The following NOS2 variants were observed in gnomAD, a reference collection of about 807,000 sequenced individuals.
NOS2 encodes the protein nitric oxide synthase, inducible.
In NOS2, 96 loss-of-function variants were observed where a neutral mutation model predicts 136.0. The ratio of observed to expected loss-of-function variants is 0.71; its 90% CI spans 0.60 to 0.84. The LOEUF (loss-of-function observed/expected upper bound fraction) is 0.84. Among genes scored for constraint, NOS2 ranks in the 40% least tolerant of loss-of-function variants. NOS2 has a pLI of 0.00. For missense variants in NOS2, 1,237 were observed against 1,496.9 expected (o/e 0.83, Z 2.87); for synonymous variants, 539 against 587.5 (o/e 0.92, Z 1.20).
rs143922742 is a variant in NOS2, at chr17:27,778,747, C to T, written c.1224G>A (p.Ser408=). Residue 408 remains serine, a synonymous_variant, in exon 11 of 27, where the codon TCG becomes TCA. Coordinates refer to ENST00000313735, the MANE Select transcript of NOS2 (RefSeq NM_000625.4). ...RMGLETHKLA[S]LWKDQAVVEI... is the part of the protein sequence containing the mutation. ...CAACGACAGCCTGGTCTTTCCAGAG[C>T]GAGGCCAGCTTGTGCGTTTCCAGGC... is the stretch of plus-strand genomic sequence containing the variant. 21 of 1,614,204 alleles carry T rather than the reference C, an allele frequency of 1.3e-5. No homozygotes were observed. In the African/African-American group the frequency reaches 1.3e-4, roughly 10 times the overall value.
At chr17:27,757,957 T>G (rs1469651943) in intron 26 of NOS2, among the ~76,000 whole-genome samples, 1 of 152,148 alleles carries the variant, frequency 6.6e-6, no homozygotes, top group Non-Finnish European at 1.5e-5. Flanking sequence ...GGGCTCCTCC[T>G]CACCATCTCA....
rs143309920 is a variant in NOS2 at position 27,794,710 on chromosome 17, ACG to A, written c.110+3988_110+3989del. Among the ~76,000 whole-genome samples, 8 of 133,352 alleles carry A rather than the reference ACG, an allele frequency of 6.0e-5. No individual in the cohort carries two copies. The South Asian group carries it at 7.6e-4, about 13-fold the overall frequency. 87.5% of individuals were successfully genotyped at this position (133,352 alleles called of 152,430 possible). A position where few individuals can be genotyped will look rare whatever the true frequency, so the allele number is the denominator to read the frequency against. ...AAAATACACACATGCGTACACACAC[ACG>A]CGCACACACACACACACACACACAC... On this transcript the variant is annotated intron_variant, in intron 2 of 26. Coordinates refer to ENST00000313735, the MANE Select transcript of NOS2 (RefSeq NM_000625.4).
At chr17:27,774,188 G>A in intron 12 of NOS2, 69 bp downstream of exon 12, 1 of 1,084,950 alleles carries the variant, frequency 9.2e-7, no homozygotes, top group Non-Finnish European at 1.2e-6. Flanking sequence ...ACAATGAGGT[G>A]CACACACACA....
At chr17:27,771,061 G>A in intron 14 of NOS2, 44 bp from the exon 15 acceptor site, 3 of 1,449,266 alleles carry the variant, frequency 2.1e-6, no homozygotes, top group Non-Finnish European at 2.9e-6. Flanking sequence ...CTCCCAGTAG[G>A]GCCCTCCCTA....
intron 11 of NOS2, among the ~76,000 whole-genome samples, chr17:27,777,778 C>T (rs1908706159): frequency 6.6e-6 from 1 of 152,196 alleles, no homozygotes; most frequent in South Asian, 2.1e-4. Flanking sequence ...GGCACCGTGG[C>T]TTATGCCTAT....
At position 27,780,950 on chromosome 17, in the gene NOS2, C is replaced by T. The variant is rs182167199; in HGVS notation, c.865-44G>A. On this transcript the variant is annotated intron_variant, in intron 8 of 26. Coordinates refer to ENST00000313735, the MANE Select transcript of NOS2 (RefSeq NM_000625.4). The stretch of plus-strand genomic sequence containing the variant: ...CCTGTGAGTCTGTAAGCCCGGGCTG[C>T]GTGTCTCCTCTGGGCTCCACTCTGT... 83 of 1,598,096 alleles carry T rather than the reference C, an allele frequency of 5.2e-5. No homozygotes were observed. In the Admixed American group the frequency reaches 7.9e-4, roughly 15 times the overall value.
At chr17:27,774,847 A>G (rs573721887) in intron 11 of NOS2, among the ~76,000 whole-genome samples, 1 of 152,308 alleles carries the variant, frequency 6.6e-6, no homozygotes, top group South Asian at 2.1e-4. Flanking sequence ...TATGGTGGAG[A>G]GTTCTAAGAG....
At chr17:27,774,559 G>C (rs1189181503) in intron 11 of NOS2, 108 bp from the exon 12 acceptor site, 1 of 755,306 alleles carries the variant, frequency 1.3e-6, no homozygotes, top group Non-Finnish European at 2.0e-6. Flanking sequence ...CTGGCAATCT[G>C]TAACACGGGA....
In NOS2 at chr17:27,765,717, C is replaced by T; in HGVS notation, c.2247-1G>A. ...GAGTTCCACCAGGATGGTGGCACGG[C>T]TGGGGAAGGAAAATGAAGCCTCAGG... On this transcript the variant is annotated splice_acceptor_variant, in intron 19 of 26. Coordinates refer to ENST00000313735, the MANE Select transcript of NOS2 (RefSeq NM_000625.4). LOFTEE classifies it high-confidence loss of function. 1 of 1,596,518 alleles carries T rather than the reference C, an allele frequency of 6.3e-7. No homozygotes were observed. Among genetic ancestry groups the T allele is most frequent in the Non-Finnish European group, 8.5e-7 (1 of 1,171,536 alleles).
Position 27,788,198 on chromosome 17 carries a change from A to ACACACG in NOS2, c.319-373_319-372insCGTGTG, listed in dbSNP as rs1191457232. Reference sequence around the variant, plus strand: ...GAGACATAGGAAGGCACACGCGTGCACACACACACACACACACACACACAC... The same window carrying ACACACG: ...GAGACATAGGAAGGCACACGCGTGCACACACGCACACACACACACACACACACACAC... On this transcript the variant is annotated intron_variant, in intron 4 of 26. Coordinates refer to ENST00000313735, the MANE Select transcript of NOS2 (RefSeq NM_000625.4). 1.5e-4 allele frequency among the ~76,000 whole-genome samples: 21 copies of ACACACG among 144,662 alleles called. No individual in the cohort carries two copies. In the Admixed American group the frequency reaches 1.5e-3, roughly 10 times the overall value. 94.9% of individuals were successfully genotyped at this position (144,662 alleles called of 152,430 possible). A position where few individuals can be genotyped will look rare whatever the true frequency, so the allele number is the denominator to read the frequency against.
chr17:27,797,220 T>A (rs1909380688), intron 2 of NOS2, among the ~76,000 whole-genome samples: 1 of 152,204 alleles, frequency 6.6e-6, no homozygotes, highest in African/African-American at 2.4e-5. Context: ...TCCACCTGAC[T>A]TCTGTGAAGC....
Position 27,757,336 on chromosome 17 carries a change from G to A in NOS2, c.3372C>T (p.His1124=), listed in dbSNP as rs1137949. 9.3e-6 allele frequency: 15 copies of A among 1,613,906 alleles called. No individual in the cohort carries two copies. The highest frequency in any genetic ancestry group is 1.6e-4 in the Middle Eastern group (1 of 6,082). Residue 1124 remains histidine, a synonymous_variant, in exon 27 of 27, where the codon CAC becomes CAT. Coordinates refer to ENST00000313735, the MANE Select transcript of NOS2 (RefSeq NM_000625.4). ...FFQLKSQKRY[H]EDIFGAVFPY... ...GAAATACAGCACCAAAGATATCTTC[G>A]TGATAGCGCTTCTGGCTCTTTTAGG...
Position 27,783,982 on chromosome 17 carries a change from C to T in NOS2, c.468-876G>A, listed in dbSNP as rs150921887. On this transcript the variant is annotated intron_variant, in intron 5 of 26. Transcript: ENST00000313735. ...GGCCTGGCCAGAAAAGAGCTGCCCACGTCATAGTCTCTCTAAACCGTGCTG... is the reference window on the plus strand; with the variant it reads ...GGCCTGGCCAGAAAAGAGCTGCCCATGTCATAGTCTCTCTAAACCGTGCTG... Among the ~76,000 whole-genome samples, 304 of 152,334 alleles carry T rather than the reference C, an allele frequency of 2.0e-3. 1 individual carries two copies. The highest frequency in any genetic ancestry group is 6.7e-3 in the African/African-American group (277 of 41,576).
At chr17:27,759,982 G>A in intron 25 of NOS2, 48 bp downstream of exon 25, 1 of 1,455,794 alleles carries the variant, frequency 6.9e-7, no homozygotes, top group African/African-American at 1.4e-5. Context: ...AGGGCTCACA[G>A]TGGAGCTTGT....
Position 27,798,725 on chromosome 17 carries a change from C to G in NOS2, c.85G>C (p.Glu29Gln), listed in dbSNP as rs372495702. The G allele has an allele frequency of 1.9e-6, 3 of 1,613,796 alleles. No homozygotes were observed. In the Admixed American group the frequency reaches 5.0e-5, roughly 27 times the overall value. Residue 29 changes from glutamate to glutamine, a missense_variant, in exon 2 of 27, where the codon GAG (glutamate) becomes CAG (glutamine). Glu to Gln is a conservative substitution (Grantham distance 29). Around this residue, in one of 3 missense-constraint regions of NOS2, gnomAD observed 440 missense variants for 545.4 expected, o/e 0.81. Transcript: ENST00000313735. ...CTGGAGGTGGCACAGGGGGCTTTCT[C>G]CACATTGTTGTTGATGTCTTTTTCC... ...NGEKDINNNVEKAPCATSSPV... is the reference protein window; with the variant it reads ...NGEKDINNNVQKAPCATSSPV...
At chr17:27,767,474 C>G (rs1375917105) in intron 18 of NOS2, among the ~76,000 whole-genome samples, 2 of 152,282 alleles carry the variant, frequency 1.3e-5, no homozygotes, top group Non-Finnish European at 2.9e-5. Flanking sequence ...ACAGTAGGCC[C>G]TTGGCGGATG....
chr17:27,765,100 T>C (rs1908253329), intron 20 of NOS2, among the ~76,000 whole-genome samples: 1 of 152,234 alleles, frequency 6.6e-6, no homozygotes, highest in Non-Finnish European at 1.5e-5. Context: ...TGCCTCAGCC[T>C]CCCGAGTGGC....
chr17:27,780,882 GC>G lies in NOS2; in HGVS notation c.888del (p.Lys296AsnfsTer49), dbSNP rs1393744020. 6.2e-7 allele frequency: 1 copy of G among 1,613,808 alleles called. No individual in the cohort carries two copies. Among genetic ancestry groups the G allele is most frequent in the African/African-American group, 1.3e-5 (1 of 74,950 alleles). ...FTQLCIDLGW[K>X]PKYGRFDVVP... ...ACCACATCGAAGCGGCCGTACTTGG[GC>G]TTCCAGCCCAGGTCGATGCACAGCT... On this transcript the variant is annotated frameshift_variant, in exon 9 of 27. Transcript: ENST00000313735. LOFTEE classifies it high-confidence loss of function.
chr17:27,759,433 C>T (rs1436011928), intron 25 of NOS2, among the ~76,000 whole-genome samples: 1 of 152,172 alleles, frequency 6.6e-6, no homozygotes, highest in Non-Finnish European at 1.5e-5. Context: ...TCAATGCAGT[C>T]TACCCATTAG....
Sources: gnomAD v4.1 joint callset for allele counts (sites outside exome capture counted in the v4.1 genomes callset) on GRCh38, gnomAD v4.1.1 for gene constraint, gnomAD v4.1.1 regional missense constraint, MANE v1.5 for transcripts, NCBI Gene and HGNC (gene_info 2026-07-23, HGNC 2026-07-21) for gene names.